The following SEMA5B variants were observed in gnomAD, a reference collection of about 807,000 sequenced individuals.
SEMA5B encodes the protein semaphorin-5B.
A neutral mutation model predicts 135.0 loss-of-function variants in SEMA5B; 66 were observed. The observed-to-expected ratio is 0.49, with a 90% confidence interval of 0.40 to 0.60. SEMA5B has a LOEUF of 0.60. Ranked by LOEUF, SEMA5B falls within the 20% of genes least tolerant of loss-of-function variation. SEMA5B has a pLI of 0.00. For missense variants in SEMA5B, 1,501 were observed against 1,566.3 expected (o/e 0.96, Z 0.70); for synonymous variants, 690 against 639.5 (o/e 1.08, Z -1.19).
In SEMA5B at chr3:122,913,406, G is replaced by T. The variant is rs1395567337; in HGVS notation, c.2299C>A (p.Pro767Thr). 1.3e-6 allele frequency: 2 copies of T among 1,574,634 alleles called. No individual in the cohort carries two copies. Among genetic ancestry groups the T allele is most frequent in the East Asian group, 2.3e-5 (1 of 43,998 alleles). Residue 767 changes from proline to threonine, a missense_variant, in exon 17 of 23, where the codon CCC (proline) becomes ACC (threonine). Transcript: ENST00000357599. ...GCGVEFKTCN[P>T]EGCPEVRRNT... ...CGCCGCACTTCGGGGCAGCCCTCGG[G>T]GTTGCACGTCTTGAACTCCTGCGGG...
At position 122,915,620 on chromosome 3, in the gene SEMA5B, A is replaced by C. The variant is rs745947593; in HGVS notation, c.1808T>G (p.Val603Gly). Residue 603 changes from valine to glycine, a missense_variant and splice_region_variant, in exon 14 of 23, where the codon GTG (valine) becomes GGG (glycine). Val to Gly is a moderately radical substitution (Grantham distance 109). Transcript: ENST00000357599. ...GCCCCCATCCCGTGTCACATTCCGC[A>C]CCTGAAGACACACATGGGAGACAGT... ...LWTQNITACPVRNVTRDGGFG... is the reference protein window; with the variant it reads ...LWTQNITACPGRNVTRDGGFG... 6.2e-7 allele frequency: 1 copy of C among 1,609,902 alleles called. No homozygotes were observed. Among genetic ancestry groups the C allele is most frequent in the East Asian group, 2.2e-5 (1 of 44,722 alleles).
chr3:122,915,341 T>C, intron 14 of SEMA5B, 99 bp downstream of exon 14: 1 of 1,205,150 alleles, frequency 8.3e-7, no homozygotes, highest in East Asian at 2.4e-5. Flanking sequence ...AAGTGGTTTC[T>C]GTCCCTTAGT....
In SEMA5B at chr3:122,926,880, C is replaced by T. The variant is rs577067904; in HGVS notation, c.851-203G>A. Among the ~76,000 whole-genome samples, 8 of 152,254 alleles carry T rather than the reference C, an allele frequency of 5.3e-5. No individual in the cohort carries two copies. The Middle Eastern group carries it at 0.017, about 324-fold the overall frequency. Reference sequence around the variant, plus strand: ...AGCTGTAATATTAAACATGTGTTACCGCCCACCTCTCACTGGGTGCCAGAC... The same window carrying T: ...AGCTGTAATATTAAACATGTGTTACTGCCCACCTCTCACTGGGTGCCAGAC... On this transcript the variant is annotated intron_variant, in intron 8 of 22. Transcript: ENST00000357599.
At chr3:123,010,131 G>A (rs1417599965) in intron 1 of SEMA5B, among the ~76,000 whole-genome samples, 1 of 152,156 alleles carries the variant, frequency 6.6e-6, no homozygotes, top group Non-Finnish European at 1.5e-5. Flanking sequence ...TGAGAGGCGG[G>A]GAGTGCCTTC....
intron 2 of SEMA5B, among the ~76,000 whole-genome samples, chr3:122,953,272 C>G (rs1158758736): frequency 6.6e-6 from 1 of 152,126 alleles, no homozygotes; most frequent in Non-Finnish European, 1.5e-5. Context: ...GCCTCCCCGC[C>G]CCAGGTCTGA....
At chr3:122,930,844 G>A (rs1938932752) in intron 5 of SEMA5B, among the ~76,000 whole-genome samples, 1 of 152,182 alleles carries the variant, frequency 6.6e-6, no homozygotes, top group Non-Finnish European at 1.5e-5. Context: ...AGTTGCCCAA[G>A]GTCACACAGC....
intron 5 of SEMA5B, among the ~76,000 whole-genome samples, chr3:122,937,806 C>A (rs1022038832): frequency 1.3e-5 from 2 of 152,182 alleles, no homozygotes; most frequent in Non-Finnish European, 2.9e-5. Flanking sequence ...TCCCTTCAGC[C>A]ACATTACACT....
chr3:122,960,242 C>T (rs943682754), intron 2 of SEMA5B, among the ~76,000 whole-genome samples: 3 of 152,172 alleles, frequency 2.0e-5, no homozygotes, highest in Admixed American at 1.3e-4. Flanking sequence ...AGTTTCTTCA[C>T]ATCCAGAGAG....
At chr3:123,020,005 C>T (rs781709286) in intron 1 of SEMA5B, among the ~76,000 whole-genome samples, 1 of 152,170 alleles carries the variant, frequency 6.6e-6, no homozygotes, top group Non-Finnish European at 1.5e-5. Flanking sequence ...AATCCAAAAA[C>T]TTTTTATTGC....
At chr3:122,993,974 C>G (rs968029809) in intron 1 of SEMA5B, among the ~76,000 whole-genome samples, 11 of 152,130 alleles carry the variant, frequency 7.2e-5, no homozygotes, top group African/African-American at 2.7e-4. Context: ...TCCCCACACC[C>G]ATTCTCCATA....
At chr3:122,972,831 G>C (rs61472403) in intron 1 of SEMA5B, among the ~76,000 whole-genome samples, 3,401 of 152,310 alleles carry the variant, frequency 0.022, 56 homozygotes, top group East Asian at 0.1. Context: ...TGAGAAGCCA[G>C]AGGCCCTGAG....
At chr3:122,975,872 C>G in intron 1 of SEMA5B, 3 of 1,284,236 alleles carry the variant, frequency 2.3e-6, no homozygotes, top group East Asian at 2.5e-5. Context: ...TCCAAACACC[C>G]TGCATAGCAA....
intron 5 of SEMA5B, among the ~76,000 whole-genome samples, chr3:122,929,408 C>T (rs1322528353): frequency 6.6e-6 from 1 of 152,242 alleles, no homozygotes; most frequent in Non-Finnish European, 1.5e-5. Flanking sequence ...TTCAATCCCA[C>T]CCCAGGCCCT....
intron 1 of SEMA5B, among the ~76,000 whole-genome samples, chr3:122,999,374 C>A (rs1942112194): frequency 6.6e-6 from 1 of 152,086 alleles, no homozygotes; most frequent in South Asian, 2.1e-4. Context: ...TTACAGGCGC[C>A]TGTGACCATG....
rs567022647 is a variant in SEMA5B, at chr3:122,910,805, G to A, written c.3297+35C>T. The A allele has an allele frequency of 8.2e-6, 12 of 1,461,262 alleles. No individual in the cohort carries two copies. In the East Asian group the frequency reaches 1.2e-4, roughly 14 times the overall value. 90.5% of individuals were successfully genotyped at this position (1,461,262 alleles called of 1,614,324 possible). A position where few individuals can be genotyped will look rare whatever the true frequency, so the allele number is the denominator to read the frequency against. ...AGCCTGGGCGACAGAGTGAGACTCC[G>A]TCTCAAAAAAAAAAAAAAAAAAGAA... On this transcript the variant is annotated intron_variant, in intron 22 of 22. Transcript: ENST00000357599.
intron 1 of SEMA5B, among the ~76,000 whole-genome samples, chr3:122,977,685 C>A (rs547800660): frequency 2.0e-5 from 3 of 152,156 alleles, no homozygotes; most frequent in Non-Finnish European, 4.4e-5. Flanking sequence ...AGTGGCCCAC[C>A]CAAATTAACA....
chr3:122,922,197 C>A (rs905355156), intron 11 of SEMA5B, 43 bp downstream of exon 11: 1 of 1,583,614 alleles, frequency 6.3e-7, no homozygotes, highest in South Asian at 1.1e-5. Context: ...CGTCCCTCAA[C>A]CCACCCCCGA....
At chr3:122,964,936 G>A (rs1168079795) in intron 1 of SEMA5B, among the ~76,000 whole-genome samples, 2 of 152,166 alleles carry the variant, frequency 1.3e-5, no homozygotes, top group African/African-American at 4.8e-5. Context: ...GCTCCACAGT[G>A]GGTGAAACTG....
chr3:122,934,671 A>C (rs1298027328), intron 5 of SEMA5B, among the ~76,000 whole-genome samples: 1 of 152,220 alleles, frequency 6.6e-6, no homozygotes, highest in Non-Finnish European at 1.5e-5. Context: ...AAATGTAAAC[A>C]TTAACTGGAC....
Sources: gnomAD v4.1 joint callset for allele counts (sites outside exome capture counted in the v4.1 genomes callset) on GRCh38, gnomAD v4.1.1 for gene constraint, MANE v1.5 for transcripts, NCBI Gene and HGNC (gene_info 2026-07-23, HGNC 2026-07-21) for gene names.